Variants in PRKCA observed in about 807,000 individuals in gnomAD.
The protein encoded by PRKCA is protein kinase C alpha, also known as protein kinase C alpha type.
PRKCA carries 27 observed loss-of-function variants against 87.0 expected under a neutral mutation model. The ratio of observed to expected loss-of-function variants is 0.31; its 90% CI spans 0.23 to 0.43. The LOEUF (loss-of-function observed/expected upper bound fraction) is 0.43. PRKCA is among the 20% of genes least tolerant of loss of function. The pLI is 1.00. For synonymous variants in PRKCA, 329 were observed against 311.1 expected, an observed-to-expected ratio of 1.06 and a Z score of -0.61; for missense variants, 518 against 852.3, an observed-to-expected ratio of 0.61 and a Z score of 4.88.
chr17:66,362,120 C>T (rs964503769), intron 2 of PRKCA, among the ~76,000 whole-genome samples: 1 of 152,192 alleles, frequency 6.6e-6, no homozygotes, highest in East Asian at 1.9e-4. Flanking sequence ...ACTGCAACCT[C>T]TGCCTCCCGG....
intron 13 of PRKCA, among the ~76,000 whole-genome samples, chr17:66,744,294 A>T (rs1486562722): frequency 6.6e-6 from 1 of 152,226 alleles, no homozygotes; most frequent in Non-Finnish European, 1.5e-5. Flanking sequence ...TATGAGGAAT[A>T]GTCAGGGTAC....
At chr17:66,596,495 G>T (rs1012387508) in intron 3 of PRKCA, among the ~76,000 whole-genome samples, 2 of 150,912 alleles carry the variant, frequency 1.3e-5, no homozygotes, top group African/African-American at 4.9e-5. Flanking sequence ...CTTCTTCAGT[G>T]CATGATGGAA....
intron 3 of PRKCA, 43 bp from the exon 4 acceptor site, chr17:66,641,312 C>T (rs1345083878): frequency 6.8e-7 from 1 of 1,467,920 alleles, no homozygotes; most frequent in East Asian, 2.3e-5. Flanking sequence ...AAAACGTGGT[C>T]CTTTCATGAC....
intron 2 of PRKCA, among the ~76,000 whole-genome samples, chr17:66,406,585 G>GTTTTTTTTTTTTTTTT (rs71160568): frequency 0.013 from 887 of 70,128 alleles, 183 homozygotes; most frequent in Non-Finnish European, 0.017. Context: ...GCTTTTCCAG[G>GTTTTTTTTTTTTTTTT]TTTTTTTTTT....
At chr17:66,338,048 TG>T (rs1369556130) in intron 2 of PRKCA, among the ~76,000 whole-genome samples, 1 of 144,210 alleles carries the variant, frequency 6.9e-6, no homozygotes, top group Non-Finnish European at 1.5e-5. Context: ...TGATTTTTTG[TG>T]GTTGGAGAGG....
intron 14 of PRKCA, among the ~76,000 whole-genome samples, chr17:66,778,470 C>T (rs532165583): frequency 2.0e-5 from 3 of 152,110 alleles, no homozygotes; most frequent in East Asian, 1.9e-4. Context: ...GAGCCGAGAT[C>T]GCGCCACTGC....
Position 66,640,667 on chromosome 17 carries a change from AAC to A in PRKCA, c.289-683_289-682del, listed in dbSNP as rs944984228. Among the ~76,000 whole-genome samples, 7 of 152,294 alleles carry A rather than the reference AAC, an allele frequency of 4.6e-5. No homozygotes were observed. In the South Asian group the frequency reaches 1.0e-3, roughly 23 times the overall value. On this transcript the variant is annotated intron_variant, in intron 3 of 16. Coordinates refer to ENST00000413366, the MANE Select transcript of PRKCA (RefSeq NM_002737.3). ...TTAGGGTTGTTCCGTTCACTTCACA[AAC>A]ACACCGATTTTGTGTCTACTCGTGC... is the stretch of plus-strand genomic sequence containing the variant.
intron 2 of PRKCA, among the ~76,000 whole-genome samples, chr17:66,410,678 C>T (rs886593087): frequency 7.2e-5 from 11 of 152,080 alleles, no homozygotes; most frequent in Non-Finnish European, 1.2e-4. Context: ...CAGGTTCAAG[C>T]GATTCTCCTG....
chr17:66,667,335 G>C (rs1480709405), intron 5 of PRKCA, among the ~76,000 whole-genome samples: 1 of 152,184 alleles, frequency 6.6e-6, no homozygotes, highest in Non-Finnish European at 1.5e-5. Context: ...ACATACCTGA[G>C]ACTGGGTAAT....
intron 8 of PRKCA, among the ~76,000 whole-genome samples, chr17:66,717,470 A>G (rs565798052): frequency 6.6e-6 from 1 of 152,172 alleles, no homozygotes; most frequent in Admixed American, 6.5e-5. Flanking sequence ...ACTGATTTAG[A>G]CATATCGCGG....
chr17:66,456,832 T>C (rs1914594125), intron 2 of PRKCA, among the ~76,000 whole-genome samples: 1 of 152,240 alleles, frequency 6.6e-6, no homozygotes, highest in Non-Finnish European at 1.5e-5. Flanking sequence ...GAGCCCGTAC[T>C]AGCCTTGGAG....
chr17:66,354,539 T>G (rs888829420), intron 2 of PRKCA, among the ~76,000 whole-genome samples: 2 of 152,204 alleles, frequency 1.3e-5, no homozygotes, highest in African/African-American at 4.8e-5. Flanking sequence ...AAAACCCCTC[T>G]TCATTTAAGT....
chr17:66,655,534 C>A (rs1255148004), intron 5 of PRKCA, among the ~76,000 whole-genome samples: 1 of 152,210 alleles, frequency 6.6e-6, no homozygotes. Flanking sequence ...CTGAAACCAA[C>A]CACTTTCTCT....
At chr17:66,611,234 G>C (rs542449791) in intron 3 of PRKCA, among the ~76,000 whole-genome samples, 1 of 152,236 alleles carries the variant, frequency 6.6e-6, no homozygotes, top group African/African-American at 2.4e-5. Context: ...AAAGTGTATA[G>C]CTCAGTGATT....
intron 3 of PRKCA, among the ~76,000 whole-genome samples, chr17:66,506,988 C>T (rs977830368): frequency 5.3e-5 from 8 of 152,184 alleles, no homozygotes; most frequent in South Asian, 2.1e-4. Context: ...GGAAGATCCA[C>T]GGCACAGGAT....
chr17:66,569,976 G>T (rs930517537), intron 3 of PRKCA, among the ~76,000 whole-genome samples: 1 of 152,142 alleles, frequency 6.6e-6, no homozygotes, highest in South Asian at 2.1e-4. Context: ...ATTCATAATT[G>T]CCTTAACCTG....
At chr17:66,722,254 G>T (rs1216059184) in intron 8 of PRKCA, among the ~76,000 whole-genome samples, 1 of 152,162 alleles carries the variant, frequency 6.6e-6, no homozygotes, top group Non-Finnish European at 1.5e-5. Flanking sequence ...TGCTGTTAAG[G>T]TGGGTTAGAC....
At chr17:66,491,216 A>G (rs1186095151) in intron 2 of PRKCA, among the ~76,000 whole-genome samples, 4 of 152,234 alleles carry the variant, frequency 2.6e-5, no homozygotes, top group Admixed American at 2.6e-4. Context: ...GTGCTTAGAA[A>G]ATAATTGAAT....
intron 16 of PRKCA, among the ~76,000 whole-genome samples, chr17:66,789,971 GC>G (rs1158047563): frequency 1.3e-5 from 2 of 152,200 alleles, no homozygotes; most frequent in Non-Finnish European, 2.9e-5. Flanking sequence ...TTCCAGCTCT[GC>G]CACCATCTTG....
Sources: gnomAD v4.1 joint callset for allele counts (sites outside exome capture counted in the v4.1 genomes callset) on GRCh38, gnomAD v4.1.1 for gene constraint, MANE v1.5 for transcripts, NCBI Gene and HGNC (gene_info 2026-07-23, HGNC 2026-07-21) for gene names.